ABR: variants seen among roughly 807,000 people sequenced by gnomAD.
ABR encodes the protein ABR activator of RhoGEF and GTPase, also known as active breakpoint cluster region-related protein.
A neutral mutation model predicts 107.2 loss-of-function variants in ABR; 35 were observed. That is an observed-to-expected ratio of 0.33 (90% CI 0.25 to 0.43). ABR has a LOEUF of 0.43. Among genes scored for constraint, ABR ranks in the 20% least tolerant of loss-of-function variants. The probability of loss-of-function intolerance (pLI) is 1.00; values close to 1 mark genes in which losing one functional copy is unlikely to be tolerated. For synonymous variants in ABR, 498 were observed against 462.0 expected (o/e 1.08, Z -1.00); for missense variants, 815 against 1,115.2 (o/e 0.73, Z 3.83).
chr17:1,032,013 C>A (rs1308709612), intron 16 of ABR, among the ~76,000 whole-genome samples: 6 of 151,498 alleles, frequency 4.0e-5, no homozygotes, highest in Non-Finnish European at 7.4e-5. Flanking sequence ...CAAGCCCCAA[C>A]CCCGGGTTTC....
intron 10 of ABR, among the ~76,000 whole-genome samples, chr17:1,062,361 G>A (rs2586295): frequency 0.018 from 907 of 50,692 alleles, no homozygotes; most frequent in East Asian, 0.08. Context: ...TCCTCTAGAC[G>A]CTGCTGTTAT....
At chr17:1,048,782 C>T (rs917494352) in intron 16 of ABR, among the ~76,000 whole-genome samples, 3 of 151,690 alleles carry the variant, frequency 2.0e-5, no homozygotes, top group Non-Finnish European at 4.4e-5. Flanking sequence ...GCCTGGATCA[C>T]GTCCGGGGCC....
intron 10 of ABR, among the ~76,000 whole-genome samples, chr17:1,062,216 G>T (rs190931712): frequency 7.1e-6 from 1 of 140,534 alleles, no homozygotes; most frequent in South Asian, 2.3e-4. Flanking sequence ...TGAGGGCTAT[G>T]CATGTTCCTC....
chr17:1,193,893 A>T (rs536851758), intron 1 of ABR, among the ~76,000 whole-genome samples: 6 of 151,658 alleles, frequency 4.0e-5, no homozygotes, highest in African/African-American at 1.5e-4. Context: ...ACGGGGTTTC[A>T]CCGTGTTAGC....
rs1597454838 is a variant in ABR at position 1,031,783 on chromosome 17, T to C, written c.1791+18267A>G. On this transcript the variant is annotated intron_variant, in intron 16 of 22. Transcript: ENST00000302538. ...CGCGGCGCTGGAGAGAAGGCGCCTGTGGAGCGCTCAGTCCCGGCTGCCAGT... is the reference window on the plus strand; with the variant it reads ...CGCGGCGCTGGAGAGAAGGCGCCTGCGGAGCGCTCAGTCCCGGCTGCCAGT... 3 of 1,217,214 alleles carry C rather than the reference T, an allele frequency of 2.5e-6. No individual in the cohort carries two copies. In the East Asian group the frequency reaches 9.8e-5, roughly 40 times the overall value. 75.4% of individuals were successfully genotyped at this position (1,217,214 alleles called of 1,614,324 possible).
At position 1,071,419 on chromosome 17, in the gene ABR, T is replaced by G. The variant is rs1384922894; in HGVS notation, c.894+1195A>C. 6.6e-6 allele frequency among the ~76,000 whole-genome samples: 1 copy of G among 152,168 alleles called. No homozygotes were observed. The highest frequency in any genetic ancestry group is 2.4e-5 in the African/African-American group (1 of 41,452). On this transcript the variant is annotated intron_variant, in intron 8 of 22. Transcript: ENST00000302538. The surrounding 1 kb of genome is among the most constrained non-coding windows in gnomAD (Gnocchi z 5.1). ...AGCCTCACTCGTAACGGCCGCCTAA[T>G]GGCCTCCCCTGGACAGGAAGCCTTT...
intron 2 of ABR, among the ~76,000 whole-genome samples, chr17:1,108,402 T>C (rs886612138): frequency 1.3e-5 from 2 of 152,240 alleles, no homozygotes; most frequent in Non-Finnish European, 2.9e-5. Flanking sequence ...GCTCCCTGCC[T>C]GTCCCGCCTC....
chr17:1,222,125 C>A (rs1273248927), intron 1 of ABR, among the ~76,000 whole-genome samples: 1 of 143,744 alleles, frequency 7.0e-6, no homozygotes, highest in Non-Finnish European at 1.5e-5. Context: ...AGTGCAGAGT[C>A]GTGATCTCGG....
chr17:1,024,178 G>A (rs1345984112), intron 16 of ABR, among the ~76,000 whole-genome samples: 2 of 152,320 alleles, frequency 1.3e-5, no homozygotes, highest in South Asian at 4.1e-4. Context: ...GGTCAGCTCT[G>A]AGCGGCCCCT....
At chr17:1,130,272 C>T (rs1193722808) in intron 1 of ABR, among the ~76,000 whole-genome samples, 6 of 152,102 alleles carry the variant, frequency 3.9e-5, no homozygotes, top group Non-Finnish European at 7.4e-5. Context: ...TTAGGAGCCT[C>T]AAACGCAGCC....
chr17:1,171,244 G>A (rs937215788), intron 1 of ABR, among the ~76,000 whole-genome samples: 5 of 152,172 alleles, frequency 3.3e-5, no homozygotes, highest in South Asian at 2.1e-4. Context: ...CCGTAATCTC[G>A]ATCCATTAAA....
At chr17:1,091,543 C>G in intron 4 of ABR, 122 bp downstream of exon 4, 1 of 1,154,836 alleles carries the variant, frequency 8.7e-7, no homozygotes, top group Non-Finnish European at 1.2e-6. Context: ...CTCCCGGACT[C>G]GGAGAGGTCT....
In ABR at chr17:1,050,603, G is replaced by T. The variant is rs137975056; in HGVS notation, c.1593C>A (p.Phe531Leu). 5.6e-6 allele frequency: 9 copies of T among 1,613,974 alleles called. No individual in the cohort carries two copies. The highest frequency in any genetic ancestry group is 6.8e-6 in the Non-Finnish European group (8 of 1,179,978). ...TTTTGGCTTTGCTGACAAAATAGCC[G>T]AAGGAATCCACCTCCAGGGTACAGT... ...NLYCTLEVDS[F>L]GYFVSKAKTR... Residue 531 changes from phenylalanine to leucine, a missense_variant, in exon 15 of 23, where the codon TTC becomes TTA. Physicochemically the swap from Phe to Leu is conservative, Grantham distance 22 (BLOSUM62 0). This residue lies in a region of ABR where 385 missense variants were observed against 596.9 expected (regional missense o/e 0.64). Transcript: ENST00000302538. The surrounding 1 kb of genome is among the most constrained non-coding windows in gnomAD (Gnocchi z 4.6).
intron 10 of ABR, among the ~76,000 whole-genome samples, chr17:1,060,728 C>T (rs527236752): frequency 1.3e-5 from 2 of 152,236 alleles, no homozygotes; most frequent in Non-Finnish European, 2.9e-5. Flanking sequence ...CACGGTGGCT[C>T]ACACCTGTCA....
At position 1,020,283 on chromosome 17, in the gene ABR, G is replaced by A. The variant is rs373997022; in HGVS notation, c.1792-7119C>T. On this transcript the variant is annotated intron_variant, in intron 16 of 22. Transcript: ENST00000302538. ...TTTTTAGTAGAGACGGGGTTTCACC[G>A]TGTTGGCCAGGCTGGTCTCCAACTC... is the stretch of plus-strand genomic sequence containing the variant. Among the ~76,000 whole-genome samples the A allele has an allele frequency of 9.9e-4, 150 of 152,198 alleles. 1 individual carries two copies. The East Asian group carries it at 0.014, about 14-fold the overall frequency.
chr17:1,075,242 T>C (rs1305237102), intron 6 of ABR, among the ~76,000 whole-genome samples: 2 of 152,258 alleles, frequency 1.3e-5, no homozygotes, highest in African/African-American at 4.8e-5. Context: ...GCTTCAGTCC[T>C]GCACCTGGAT....
At chr17:1,018,276 T>C (rs937905298) in intron 16 of ABR, among the ~76,000 whole-genome samples, 1 of 149,966 alleles carries the variant, frequency 6.7e-6, no homozygotes, top group African/African-American at 2.5e-5. Context: ...TCTCCTGACC[T>C]CGTGATTCGC....
At position 1,018,270 on chromosome 17, in the gene ABR, CT is replaced by C. The variant is rs1222568179; in HGVS notation, c.1792-5107del. On this transcript the variant is annotated intron_variant, in intron 16 of 22. Transcript: ENST00000302538. Reference sequence around the variant, plus strand: ...TGTTAGCCAGGATGGTCTTGATCTCCTGACCTCGTGATTCGCCCACCTCGGC... The same window carrying C: ...TGTTAGCCAGGATGGTCTTGATCTCCGACCTCGTGATTCGCCCACCTCGGC... Among the ~76,000 whole-genome samples, 3 of 151,376 alleles carry C rather than the reference CT, an allele frequency of 2.0e-5. No homozygotes were observed. In the East Asian group the frequency reaches 6.0e-4, roughly 30 times the overall value.
chr17:1,011,281 C>A lies in ABR; in HGVS notation c.2102-418G>T. ...TCTAGGCTGCACAGAGGCACCAACG[C>A]CGGCCAGTTCCCAGGCCCCACCCCG... is the stretch of plus-strand genomic sequence containing the variant. On this transcript the variant is annotated intron_variant, in intron 19 of 22. Transcript: ENST00000302538. The surrounding 1 kb of genome is among the most constrained non-coding windows in gnomAD (Gnocchi z 4.8). 5.3e-6 allele frequency: 1 copy of A among 188,888 alleles called. No individual in the cohort carries two copies. The highest frequency in any genetic ancestry group is 1.1e-5 in the Non-Finnish European group (1 of 90,276). 11.7% of individuals were successfully genotyped at this position (188,888 alleles called of 1,614,324 possible). A position where few individuals can be genotyped will look rare whatever the true frequency, so the allele number is the denominator to read the frequency against.
Sources: allele counts gnomAD v4.1 joint callset (sites outside exome capture counted in the v4.1 genomes callset), GRCh38; gene constraint gnomAD v4.1.1; regional missense constraint gnomAD v4.1.1; non-coding constraint Gnocchi (gnomAD v3.1); transcripts MANE v1.5; gene names NCBI Gene and HGNC (gene_info 2026-07-23, HGNC 2026-07-21).